Variants in PDPK1 observed in about 807,000 individuals in gnomAD.
The protein encoded by PDPK1 is 3-phosphoinositide-dependent protein kinase 1.
In PDPK1, 7 loss-of-function variants were observed where a neutral mutation model predicts 39.8. The ratio of observed to expected loss-of-function variants is 0.18; its 90% CI spans 0.10 to 0.33. The LOEUF (loss-of-function observed/expected upper bound fraction) is 0.33. Ranked by LOEUF, PDPK1 falls within the 10% of genes least tolerant of loss-of-function variation. The pLI, the probability that PDPK1 is intolerant of heterozygous loss-of-function variation, is 1.00. For missense variants in PDPK1, 182 were observed against 384.7 expected (o/e 0.47, Z 4.41); for synonymous variants, 118 against 159.1 (o/e 0.74, Z 1.95).
At position 2,593,356 on chromosome 16, in the gene PDPK1, C is replaced by G. The variant is rs2067031400; in HGVS notation, c.1344-2437C>G. On this transcript the variant is annotated intron_variant, in intron 11 of 13. Transcript: ENST00000342085. The surrounding 1 kb of genome is among the most constrained non-coding windows in gnomAD (Gnocchi z 4.2). ...AGCTGATGGCCCATGGCGGCTGTAT[C>G]TGGAAGTCCTTTCCCGCCCCAGCTG... 1 of 337,120 alleles carries G rather than the reference C, an allele frequency of 3.0e-6. No individual in the cohort carries two copies. Among genetic ancestry groups the G allele is most frequent in the Non-Finnish European group, 5.7e-6 (1 of 175,042 alleles). 20.9% of individuals were successfully genotyped at this position (337,120 alleles called of 1,614,324 possible).
At chr16:2,596,000 A>G in intron 12 of PDPK1, 150 bp downstream of exon 12, 1 of 733,958 alleles carries the variant, frequency 1.4e-6, no homozygotes, top group Non-Finnish European at 2.4e-6. Flanking sequence ...GGGAAGGCTT[A>G]AGTCCCTTGA....
At chr16:2,596,258 C>T (rs1184975383) in intron 12 of PDPK1, among the ~76,000 whole-genome samples, 1 of 152,218 alleles carries the variant, frequency 6.6e-6, no homozygotes, top group African/African-American at 2.4e-5. Flanking sequence ...GTGGCGCGAT[C>T]TCGGCTCACT....
intron 1 of PDPK1, chr16:2,538,602 T>G: frequency 7.8e-7 from 1 of 1,288,734 alleles, no homozygotes; most frequent in Non-Finnish European, 1.0e-6. Context: ...CTGATGCTCC[T>G]GGGCCCCCTT....
intron 1 of PDPK1, among the ~76,000 whole-genome samples, chr16:2,541,688 T>G (rs2066248139): frequency 6.6e-6 from 1 of 152,210 alleles, no homozygotes; most frequent in Admixed American, 6.5e-5. Context: ...AAGGGCAGTG[T>G]GCTGGGAGGA....
intron 7 of PDPK1, chr16:2,579,640 TAAG>T (rs1392820727): frequency 1.6e-5 from 2 of 126,110 alleles, no homozygotes; most frequent in African/African-American, 6.0e-5. Context: ...TAAACATAGT[TAAG>T]AACTTTTATT....
intron 11 of PDPK1, among the ~76,000 whole-genome samples, chr16:2,587,168 C>T (rs550255150): frequency 4.6e-5 from 7 of 152,184 alleles, no homozygotes; most frequent in Non-Finnish European, 8.8e-5. Flanking sequence ...TGGACAGACG[C>T]GGCCTGGACC....
intron 7 of PDPK1, chr16:2,579,339 A>G (rs2141984613): frequency 1.1e-5 from 1 of 90,506 alleles, no homozygotes; most frequent in Middle Eastern, 5.4e-3. Flanking sequence ...TGTCGTCGCC[A>G]CCTAAGAGCT....
chr16:2,592,317 G>GGC (rs1205538741), intron 11 of PDPK1, among the ~76,000 whole-genome samples: 1 of 152,218 alleles, frequency 6.6e-6, no homozygotes, highest in Non-Finnish European at 1.5e-5. Context: ...GAGCCAAGAT[G>GGC]GCGGTGTATG....
In PDPK1 at chr16:2,597,707, G is replaced by T. The variant is rs1263687601; in HGVS notation, c.1611G>T (p.Arg537Ser). The T allele has an allele frequency of 6.2e-7, 1 of 1,613,860 alleles. No homozygotes were observed. Among genetic ancestry groups the T allele is most frequent in the South Asian group, 1.1e-5 (1 of 91,070 alleles). ...GCGGGAACGCACACAAGTGGTGCAG[G>T]AAGATCCAGGAGGTTTGGAGGCAGC... Reference protein sequence around the residue: ...DPSGNAHKWCRKIQEVWRQRY... With the variant: ...DPSGNAHKWCSKIQEVWRQRY... The change falls in exon 14 of 14, where the codon AGG becomes AGT. Residue 537 changes from arginine (R) to serine (S), a missense_variant. By Grantham distance (110) the Arg-to-Ser change is moderately radical. Around this residue, in one of 5 missense-constraint regions of PDPK1, gnomAD observed 67 missense variants for 87.8 expected, o/e 0.76. Transcript: ENST00000342085. The surrounding 1 kb of genome is among the most constrained non-coding windows in gnomAD (Gnocchi z 6.3).
intron 2 of PDPK1, among the ~76,000 whole-genome samples, chr16:2,560,332 A>G (rs893212980): frequency 6.6e-6 from 1 of 151,152 alleles, no homozygotes; most frequent in Non-Finnish European, 1.5e-5. Flanking sequence ...TGAGCTAGAG[A>G]GGGGAGCCCT....
At chr16:2,562,594 TG>T (rs2066627910) in intron 4 of PDPK1, 1 of 140,830 alleles carries the variant, frequency 7.1e-6, no homozygotes, top group South Asian at 2.4e-4. Context: ...TGATGGGTGA[TG>T]GGGATGCGCT....
Position 2,600,031 on chromosome 16 carries a change from G to C in PDPK1, c.*2264G>C. ...AGCTGACAGCCAAGCCCTTCTGTGGGTCACCTTTCTCCTCACCCAGCCCCT... is the reference window on the plus strand; with the variant it reads ...AGCTGACAGCCAAGCCCTTCTGTGGCTCACCTTTCTCCTCACCCAGCCCCT... On this transcript the variant is annotated 3_prime_UTR_variant, in exon 14 of 14. Coordinates refer to ENST00000342085, the MANE Select transcript of PDPK1 (RefSeq NM_002613.5). 8.6e-6 allele frequency: 2 copies of C among 233,220 alleles called. No homozygotes were observed. Among genetic ancestry groups the C allele is most frequent in the Non-Finnish European group, 1.7e-5 (2 of 118,214 alleles). The allele number at this position is 233,220 out of a possible 1,614,324, so 14.4% of individuals were successfully genotyped here. A position where few individuals can be genotyped will look rare whatever the true frequency, so the allele number is the denominator to read the frequency against.
At chr16:2,555,518 AGAGT>A (rs1230079938) in intron 1 of PDPK1, 13 of 142,184 alleles carry the variant, frequency 9.1e-5, no homozygotes, top group Admixed American at 8.5e-4. Flanking sequence ...CCTGGGAGAC[AGAGT>A]GAGACCCCGT....
At chr16:2,551,482 C>T (rs1242537676) in intron 1 of PDPK1, among the ~76,000 whole-genome samples, 1 of 150,544 alleles carries the variant, frequency 6.6e-6, no homozygotes, top group Non-Finnish European at 1.5e-5. Context: ...TTCCTGCTTG[C>T]CGCGTGTGAG....
Position 2,597,781 on chromosome 16 carries a change from C to T in PDPK1, c.*14C>T, listed in dbSNP as rs760558101. On this transcript the variant is annotated 3_prime_UTR_variant, in exon 14 of 14. Transcript: ENST00000342085. The surrounding 1 kb of genome is among the most constrained non-coding windows in gnomAD (Gnocchi z 6.3). ...GCTGTGCAGTGACGTGGCCTGCGGC[C>T]GGGCTGCCCTTCGCTGCCAGGACAC... 45 of 1,579,710 alleles carry T rather than the reference C, an allele frequency of 2.8e-5. No individual in the cohort carries two copies. Among genetic ancestry groups the T allele is most frequent in the East Asian group, 1.1e-4 (5 of 44,696 alleles).
intron 11 of PDPK1, among the ~76,000 whole-genome samples, chr16:2,590,503 G>C (rs1389124770): frequency 6.6e-6 from 1 of 151,716 alleles, no homozygotes; most frequent in African/African-American, 2.4e-5. Context: ...ACTCAATTCT[G>C]CCGCAAACAT....
chr16:2,545,518 G>A (rs542729370), intron 1 of PDPK1, among the ~76,000 whole-genome samples: 2 of 151,558 alleles, frequency 1.3e-5, no homozygotes, highest in African/African-American at 2.4e-5. Flanking sequence ...TGTTTGAGAC[G>A]GAGTCTGGCT....
intron 1 of PDPK1, among the ~76,000 whole-genome samples, chr16:2,542,690 C>G (rs1054501894): frequency 6.6e-6 from 1 of 152,262 alleles, no homozygotes; most frequent in African/African-American, 2.4e-5. Flanking sequence ...ATCAGATGCC[C>G]TCTCTACCAG....
At chr16:2,546,240 C>T (rs1422911876) in intron 1 of PDPK1, among the ~76,000 whole-genome samples, 2 of 147,892 alleles carry the variant, frequency 1.4e-5, no homozygotes, top group Non-Finnish European at 1.5e-5. Context: ...CCTACCACTG[C>T]GCCCGGCTAA....
Sources: gnomAD v4.1 joint callset for allele counts (sites outside exome capture counted in the v4.1 genomes callset) on GRCh38, gnomAD v4.1.1 for gene constraint, gnomAD v4.1.1 regional missense constraint, Gnocchi (gnomAD v3.1) non-coding constraint, MANE v1.5 for transcripts, NCBI Gene and HGNC (gene_info 2026-07-23, HGNC 2026-07-21) for gene names.